PTPRS: variants seen among roughly 807,000 people sequenced by gnomAD.
PTPRS encodes protein tyrosine phosphatase receptor type S.
Under a neutral mutation model 215.3 loss-of-function variants are expected in PTPRS, and 63 were observed. The observed-to-expected ratio is 0.29, with a 90% CI of 0.24 to 0.36. PTPRS has a LOEUF of 0.36. PTPRS is among the 10% of genes least tolerant of loss of function. The pLI, the probability that PTPRS is intolerant of heterozygous loss-of-function variation, is 1.00. For synonymous variants in PTPRS, 1,404 were observed against 1,191.4 expected, an observed-to-expected ratio of 1.18 and a Z score of -3.68; for missense variants, 2,258 against 2,825.8, an observed-to-expected ratio of 0.80 and a Z score of 4.56.
Position 5,229,577 on chromosome 19 carries a change from C to CGCGGATCTGGCCGTGCT in PTPRS, c.2246_2262dup (p.Gly755SerfsTer61). The CGCGGATCTGGCCGTGCT allele has an allele frequency of 6.9e-7, 1 of 1,449,404 alleles. No homozygotes were observed. Among genetic ancestry groups the CGCGGATCTGGCCGTGCT allele is most frequent in the Non-Finnish European group, 9.1e-7 (1 of 1,101,916 alleles). 89.8% of individuals were successfully genotyped at this position (1,449,404 alleles called of 1,614,324 possible). On this transcript the variant is annotated frameshift_variant, in exon 15 of 38. Transcript: ENST00000262963. LOFTEE classifies it high-confidence loss of function. ...ATGCGCACGTAGTGGACCTGGTAGC[C>CGCGGATCTGGCCGTGCT]GCGGATCTGGCCGTGCTGCCGGCCG...
At chr19:5,209,980 A>T (rs2040716446) in intron 35 of PTPRS, among the ~76,000 whole-genome samples, 1 of 152,060 alleles carries the variant, frequency 6.6e-6, no homozygotes, top group South Asian at 2.1e-4. Flanking sequence ...ACCTTCCACT[A>T]TGAGTCTTCA....
At position 5,280,902 on chromosome 19, in the gene PTPRS, C is replaced by G. The variant is rs955444488; in HGVS notation, c.91+5148G>C. Among the ~76,000 whole-genome samples the G allele has an allele frequency of 7.9e-5, 12 of 151,556 alleles. No homozygotes were observed. In the East Asian group the frequency reaches 2.4e-3, roughly 31 times the overall value. On this transcript the variant is annotated intron_variant, in intron 2 of 37. Transcript: ENST00000262963. ...CGCCTCCCAGGTTCAAGTGGTTCTC[C>G]TAACTCAGCCTCCCAAGTAGCTGGG...
chr19:5,211,717 G>A lies in PTPRS; in HGVS notation c.5107C>T (p.Pro1703Ser). 1 of 1,614,118 alleles carries A rather than the reference G, an allele frequency of 6.2e-7. No homozygotes were observed. Among genetic ancestry groups the A allele is most frequent in the Non-Finnish European group, 8.5e-7 (1 of 1,180,012 alleles). ...HTSRFISANL[P>S]CNKFKNRLVN... ...AGGCGGTTCTTGAACTTGTTACAAG[G>A]CAGATTGGCACTGATGAAGCGTGAC... The change falls in exon 33 of 38, where the codon CCT (proline) becomes TCT (serine). Residue 1703 changes from proline (P) to serine (S), a missense_variant. Pro to Ser is a moderately conservative substitution (Grantham distance 74). Transcript: ENST00000262963.
At position 5,214,689 on chromosome 19, in the gene PTPRS, G is replaced by C; in HGVS notation, c.4366C>G (p.Arg1456Gly). The C allele has an allele frequency of 6.2e-7, 1 of 1,612,296 alleles. No homozygotes were observed. Among genetic ancestry groups the C allele is most frequent in the Non-Finnish European group, 8.5e-7 (1 of 1,179,408 alleles). Residue 1456 changes from arginine to glycine, a missense_variant, in exon 29 of 38, where the codon CGG becomes GGG. Physicochemically the swap from Arg to Gly is moderately radical, Grantham distance 125. This residue lies in a region of PTPRS where 927 missense variants were observed against 1,125.9 expected (regional missense o/e 0.82). Coordinates refer to ENST00000262963, the MANE Select transcript of PTPRS (RefSeq NM_002850.4). ...GTGGCAATGTACGCGTTCTGACACC[G>C]GTAGCCGTCCACGTAGTTGGCATTG... ...YINANYVDGY[R>G]CQNAYIATQG...
At chr19:5,245,607 C>T (rs556028454) in intron 10 of PTPRS, among the ~76,000 whole-genome samples, 169 bp downstream of exon 10, 159 of 152,316 alleles carry the variant, frequency 1.0e-3, no homozygotes, top group Non-Finnish European at 1.9e-3. Context: ...TCATTTATAA[C>T]CAATAAATAA....
At position 5,211,487 on chromosome 19, in the gene PTPRS, T is replaced by C; in HGVS notation, c.5234+103A>G. ...GATGTGTATTTAAACAGCTCAGGGC[T>C]ACCAGTATCTCCCCAGCTCTGTCTC... On this transcript the variant is annotated intron_variant, in intron 33 of 37. Transcript: ENST00000262963. The C allele has an allele frequency of 4.9e-6, 6 of 1,212,784 alleles. 1 individual carries two copies. The highest frequency in any genetic ancestry group is 1.1e-6 in the Non-Finnish European group (1 of 879,526). The allele number at this position is 1,212,784 out of a possible 1,614,324, so 75.1% of individuals were successfully genotyped here. A position where few individuals can be genotyped will look rare whatever the true frequency, so the allele number is the denominator to read the frequency against.
chr19:5,228,347 G>GAAAAAA (rs71170899), intron 16 of PTPRS, among the ~76,000 whole-genome samples: 2 of 105,862 alleles, frequency 1.9e-5, no homozygotes, highest in Non-Finnish European at 3.5e-5. Flanking sequence ...TCCGTCTGGA[G>GAAAAAA]AAAAAAAAAA....
chr19:5,285,990 A>T, intron 2 of PTPRS, 60 bp downstream of exon 2: 3 of 1,522,510 alleles, frequency 2.0e-6, no homozygotes, highest in Non-Finnish European at 2.7e-6. Flanking sequence ...ACACACAGCC[A>T]TAAATGCACA....
intron 1 of PTPRS, among the ~76,000 whole-genome samples, chr19:5,309,581 C>G (rs2049624533): frequency 6.6e-6 from 1 of 152,088 alleles, no homozygotes; most frequent in Non-Finnish European, 1.5e-5. Flanking sequence ...CTGGGAACCT[C>G]CGCAGGCGTC....
intron 1 of PTPRS, among the ~76,000 whole-genome samples, chr19:5,333,949 T>C (rs886933): frequency 0.7 from 104,142 of 149,738 alleles, 37,801 homozygotes; most frequent in African/African-American, 0.91. Flanking sequence ...TGACTGCTGT[T>C]AAACCCCCAA....
At chr19:5,239,181 GA>G in intron 12 of PTPRS, 118 bp from the exon 13 acceptor site, 1 of 705,698 alleles carries the variant, frequency 1.4e-6, no homozygotes, top group Admixed American at 2.8e-5. Context: ...GAGAGAGAGA[GA>G]GAGAGACAGA....
In PTPRS at chr19:5,223,120, G is replaced by A. The variant is rs375155482; in HGVS notation, c.2672C>T (p.Thr891Met). The change falls in exon 18 of 38, where the codon ACG becomes ATG. Residue 891 changes from threonine to methionine, a missense_variant. Thr to Met is a moderately conservative substitution (Grantham distance 81, BLOSUM62 -1). Around this residue, in one of 6 missense-constraint regions of PTPRS, gnomAD observed 361 missense variants for 332.6 expected, o/e 1.09. Transcript: ENST00000262963. ...LEFPPSEDRYTASGVHKGATY... is the reference protein window; with the variant it reads ...LEFPPSEDRYMASGVHKGATY... ...GGCCCCCTTGTGCACGCCTGATGCC[G>A]TGTAGCGGTCCTCGGAGGGCGGGAA... The A allele has an allele frequency of 1.9e-5, 30 of 1,568,024 alleles. No individual in the cohort carries two copies. The East Asian group carries it at 2.4e-4, about 12-fold the overall frequency.
intron 1 of PTPRS, among the ~76,000 whole-genome samples, chr19:5,302,666 G>C (rs983031733): frequency 1.3e-5 from 2 of 152,140 alleles, no homozygotes; most frequent in Non-Finnish European, 2.9e-5. Context: ...AGCTGAAAGG[G>C]AGTCATTGCT....
At chr19:5,321,478 G>A (rs942702241) in intron 1 of PTPRS, among the ~76,000 whole-genome samples, 1 of 152,176 alleles carries the variant, frequency 6.6e-6, no homozygotes. Flanking sequence ...CCTAGAAGTG[G>A]CAGGCTCAGA....
At chr19:5,282,973 T>C (rs1261493973) in intron 2 of PTPRS, among the ~76,000 whole-genome samples, 1 of 152,116 alleles carries the variant, frequency 6.6e-6, no homozygotes, top group Non-Finnish European at 1.5e-5. Context: ...GTCTCTTAGA[T>C]GAAGAGACAG....
Position 5,214,701 on chromosome 19 carries a change from C to A in PTPRS, c.4354G>T (p.Val1452Leu). ...GCGTTCTGACACCGGTAGCCGTCCA[C>A]GTAGTTGGCATTGATGTAATCACTG... ...MGSDYINANY[V>L]DGYRCQNAYI... The change falls in exon 29 of 38, where the codon GTG becomes TTG. Residue 1452 changes from valine (V) to leucine (L), a missense_variant. Coordinates refer to ENST00000262963, the MANE Select transcript of PTPRS (RefSeq NM_002850.4). The A allele has an allele frequency of 1.2e-6, 2 of 1,612,200 alleles. No individual in the cohort carries two copies. The highest frequency in any genetic ancestry group is 1.7e-6 in the Non-Finnish European group (2 of 1,179,310).
chr19:5,243,907 G>A lies in PTPRS; in HGVS notation c.1564C>T (p.Gln522Ter). The A allele has an allele frequency of 6.6e-7, 1 of 1,513,578 alleles. No homozygotes were observed. Among genetic ancestry groups the A allele is most frequent in the Non-Finnish European group, 8.8e-7 (1 of 1,133,426 alleles). The allele number at this position is 1,513,578 out of a possible 1,614,324, so 93.8% of individuals were successfully genotyped here. A position where few individuals can be genotyped will look rare whatever the true frequency, so the allele number is the denominator to read the frequency against. Residue 522 changes from glutamine (Q) to a stop codon, truncating the protein, a stop_gained, in exon 11 of 38, where the codon CAG (glutamine) becomes TAG (stop). Transcript: ENST00000262963. LOFTEE classifies it high-confidence loss of function. ...LSDPIQVKTQ[Q>*]GVPGQPMNLR... ...TGCCGACCCCACGCCTCACCTCCCTGCTGCGTCTTGACCTGGATGGGGTCC... is the reference window on the plus strand; with the variant it reads ...TGCCGACCCCACGCCTCACCTCCCTACTGCGTCTTGACCTGGATGGGGTCC...
intron 37 of PTPRS, among the ~76,000 whole-genome samples, chr19:5,207,116 G>A (rs34767315): frequency 1.6e-4 from 25 of 152,200 alleles, no homozygotes; most frequent in Non-Finnish European, 2.9e-4. Flanking sequence ...ACGGAGTCTC[G>A]CTGTGTTGCC....
intron 6 of PTPRS, among the ~76,000 whole-genome samples, chr19:5,261,194 T>A (rs2058110): frequency 0.57 from 85,923 of 151,778 alleles, 26,704 homozygotes; most frequent in East Asian, 0.81. Flanking sequence ...GGAGGGAGGT[T>A]CATCACCCCC....
Sources: allele counts gnomAD v4.1 joint callset (sites outside exome capture counted in the v4.1 genomes callset), GRCh38; gene constraint gnomAD v4.1.1; regional missense constraint gnomAD v4.1.1; transcripts MANE v1.5; gene names NCBI Gene and HGNC (gene_info 2026-07-23, HGNC 2026-07-21).